The following SYNPR variants were observed in gnomAD, a reference collection of about 807,000 sequenced individuals.
The protein encoded by SYNPR is synaptoporin.
A neutral mutation model predicts 32.9 loss-of-function variants in SYNPR; 23 were observed. That is an observed-to-expected ratio of 0.70 (90% CI 0.50 to 0.99). SYNPR has a LOEUF of 0.99. Ranked by LOEUF, SYNPR falls within the 50% of genes least tolerant of loss-of-function variation. The pLI, the probability that SYNPR is intolerant of heterozygous loss-of-function variation, is 0.00. For synonymous variants in SYNPR, 146 were observed against 135.9 expected, an observed-to-expected ratio of 1.07 and a Z score of -0.52; for missense variants, 318 against 349.3, an observed-to-expected ratio of 0.91 and a Z score of 0.71.
At chr3:63,342,188 T>C (rs929826087) in intron 2 of SYNPR, among the ~76,000 whole-genome samples, 12 of 152,246 alleles carry the variant, frequency 7.9e-5, no homozygotes, top group Non-Finnish European at 4.4e-5. Context: ...AGTCTATTTC[T>C]TGGCTCTCTA....
the SYNPR span, among the ~76,000 whole-genome samples, chr3:63,211,217 G>A: frequency 7.3e-3 from 1,107 of 152,166 alleles, 18 homozygotes; most frequent in Non-Finnish European, 6.1e-3. Context: ...ACAGGCACCC[G>A]CCACCACACC....
At chr3:63,497,257 C>T (rs1385067270) in intron 3 of SYNPR, among the ~76,000 whole-genome samples, 1 of 152,152 alleles carries the variant, frequency 6.6e-6, no homozygotes, top group East Asian at 1.9e-4. Flanking sequence ...CATCATGGTG[C>T]TCATCTTAAC....
intron 1 of SYNPR, among the ~76,000 whole-genome samples, chr3:63,231,082 A>T (rs1427267924): frequency 6.6e-6 from 1 of 152,196 alleles, no homozygotes; most frequent in Non-Finnish European, 1.5e-5. Flanking sequence ...AATTACAAAG[A>T]TATGGAACCA....
chr3:63,305,725 C>A (rs1300798686), intron 2 of SYNPR, among the ~76,000 whole-genome samples: 1 of 151,970 alleles, frequency 6.6e-6, no homozygotes. Context: ...CGACATACTA[C>A]CTCTCAGAAA....
intron 2 of SYNPR, among the ~76,000 whole-genome samples, chr3:63,435,597 A>G (rs1700069806): frequency 1.3e-5 from 2 of 152,120 alleles, no homozygotes; most frequent in African/African-American, 4.8e-5. Context: ...CCCCTAGCAC[A>G]CCCTCCCATC....
chr3:63,568,066 A>T (rs532913267), intron 4 of SYNPR, among the ~76,000 whole-genome samples: 1 of 152,318 alleles, frequency 6.6e-6, no homozygotes, highest in South Asian at 2.1e-4. Context: ...AAAAAAGTGA[A>T]ATTATTACCA....
intron 2 of SYNPR, among the ~76,000 whole-genome samples, chr3:63,465,439 GA>G (rs1362917117): frequency 6.6e-6 from 1 of 151,914 alleles, no homozygotes; most frequent in East Asian, 1.9e-4. Flanking sequence ...TAAAAAGCAT[GA>G]AAACTATATA....
At chr3:63,612,948 C>T (rs970987715) in intron 5 of SYNPR, among the ~76,000 whole-genome samples, 4 of 136,410 alleles carry the variant, frequency 2.9e-5, no homozygotes, top group Non-Finnish European at 4.7e-5. Flanking sequence ...CTCTCCTTTT[C>T]TGTTTTCCTT....
At chr3:63,501,992 CTT>C (rs140460753) in intron 3 of SYNPR, among the ~76,000 whole-genome samples, 1,564 of 152,102 alleles carry the variant, frequency 0.01, 27 homozygotes, top group African/African-American at 0.036. Context: ...ATTTCAAAGA[CTT>C]AGTATGAAGA....
intron 2 of SYNPR, among the ~76,000 whole-genome samples, chr3:63,392,546 T>A (rs534588342): frequency 2.6e-5 from 4 of 152,200 alleles, no homozygotes; most frequent in South Asian, 2.1e-4. Context: ...TCCAGGGAGA[T>A]AATGTATGGG....
intron 2 of SYNPR, among the ~76,000 whole-genome samples, chr3:63,289,684 G>C (rs2086719878): frequency 6.6e-6 from 1 of 152,054 alleles, no homozygotes; most frequent in South Asian, 2.1e-4. Flanking sequence ...TTCAACTTGA[G>C]ATTTGGAGGA....
At chr3:63,229,225 TGAAA>T (rs767857013) in intron 1 of SYNPR, among the ~76,000 whole-genome samples, 6 of 152,172 alleles carry the variant, frequency 3.9e-5, no homozygotes, top group African/African-American at 1.4e-4. Flanking sequence ...TTGGAAAGAT[TGAAA>T]GAGACATTTA....
intron 3 of SYNPR, among the ~76,000 whole-genome samples, chr3:63,531,644 C>T (rs1033158645): frequency 2.0e-5 from 3 of 152,080 alleles, no homozygotes; most frequent in Non-Finnish European, 4.4e-5. Context: ...TAATTCAGTC[C>T]GCAACAGCCA....
chr3:63,339,424 G>A (rs2087335522), intron 2 of SYNPR, among the ~76,000 whole-genome samples: 1 of 152,122 alleles, frequency 6.6e-6, no homozygotes, highest in African/African-American at 2.4e-5. Context: ...GATCCCATGT[G>A]CCTTTTAACT....
At chr3:63,429,312 T>C (rs1469147542) in intron 2 of SYNPR, among the ~76,000 whole-genome samples, 1 of 152,198 alleles carries the variant, frequency 6.6e-6, no homozygotes, top group Non-Finnish European at 1.5e-5. Flanking sequence ...TGGGTAACAA[T>C]GGAAAGAGCC....
chr3:63,428,694 A>G (rs77397115), intron 2 of SYNPR, among the ~76,000 whole-genome samples: 1,942 of 152,344 alleles, frequency 0.013, 35 homozygotes, highest in African/African-American at 0.044. Flanking sequence ...CTAGTGGTCA[A>G]CTGGCTATTG....
chr3:63,202,441 T>C, the SYNPR span, among the ~76,000 whole-genome samples: 1 of 152,186 alleles, frequency 6.6e-6, no homozygotes, highest in African/African-American at 2.4e-5. Flanking sequence ...GAAGGGAGAT[T>C]TGAGCTTCAA....
At chr3:63,585,802 A>C (rs1703173116) in intron 4 of SYNPR, among the ~76,000 whole-genome samples, 1 of 152,124 alleles carries the variant, frequency 6.6e-6, no homozygotes, top group Admixed American at 6.6e-5. Context: ...ACAAGGTATA[A>C]ATTCTTTATT....
At chr3:63,468,902 A>T (rs562965655) in intron 2 of SYNPR, among the ~76,000 whole-genome samples, 61 of 151,954 alleles carry the variant, frequency 4.0e-4, no homozygotes, top group South Asian at 1.7e-3. Flanking sequence ...ATTTTTTTTT[A>T]AAAAAAGGAG....
Sources: allele counts gnomAD v4.1 joint callset (sites outside exome capture counted in the v4.1 genomes callset), GRCh38; gene constraint gnomAD v4.1.1; transcripts MANE v1.5; gene names NCBI Gene and HGNC (gene_info 2026-07-23, HGNC 2026-07-21).